The following TBC1D22A variants were observed in gnomAD, a reference collection of about 807,000 sequenced individuals.
The protein encoded by TBC1D22A is TBC1 domain family member 22A.
TBC1D22A carries 38 observed loss-of-function variants against 60.2 expected under a neutral mutation model. The ratio of observed to expected loss-of-function variants is 0.63; its 90% confidence interval spans 0.49 to 0.83. The LOEUF (loss-of-function observed/expected upper bound fraction) is 0.83, where lower values mean the gene tolerates loss of function less well. Among genes scored for constraint, TBC1D22A ranks in the 40% least tolerant of loss-of-function variants. TBC1D22A has a pLI of 0.00. For missense variants in TBC1D22A, 628 were observed against 701.0 expected (o/e 0.90, Z 1.18); for synonymous variants, 302 against 281.7 (o/e 1.07, Z -0.72).
intron 10 of TBC1D22A, among the ~76,000 whole-genome samples, chr22:47,001,451 G>GA (rs60259224): frequency 0.032 from 3,335 of 105,002 alleles, 60 homozygotes; most frequent in Middle Eastern, 0.085. Context: ...TCTCAAAAAA[G>GA]AAAAAAAAAA....
intron 4 of TBC1D22A, among the ~76,000 whole-genome samples, chr22:46,807,846 T>A (rs895709067): frequency 6.6e-6 from 1 of 152,198 alleles, no homozygotes; most frequent in African/African-American, 2.4e-5. Flanking sequence ...CTCATACTTG[T>A]AATCCCAGCA....
At chr22:46,939,504 G>A (rs2071859514) in intron 8 of TBC1D22A, among the ~76,000 whole-genome samples, 1 of 152,170 alleles carries the variant, frequency 6.6e-6, no homozygotes, top group South Asian at 2.1e-4. Context: ...GACGTTTATG[G>A]ACCAAATTTG....
At chr22:46,925,062 G>T (rs999093866) in intron 8 of TBC1D22A, among the ~76,000 whole-genome samples, 1 of 152,220 alleles carries the variant, frequency 6.6e-6, no homozygotes. Context: ...AGAAGAGCTG[G>T]TGCTAGTTTC....
At chr22:47,001,958 A>G (rs1445148213) in intron 10 of TBC1D22A, among the ~76,000 whole-genome samples, 1 of 152,230 alleles carries the variant, frequency 6.6e-6, no homozygotes, top group Non-Finnish European at 1.5e-5. Context: ...TTAAAATTTA[A>G]TAAGCATTTG....
chr22:47,059,275 G>C (rs2063494276), intron 11 of TBC1D22A, among the ~76,000 whole-genome samples: 1 of 152,260 alleles, frequency 6.6e-6, no homozygotes, highest in African/African-American at 2.4e-5. Context: ...TGGTGTGGGT[G>C]CGCACGCGTC....
chr22:46,866,160 C>T (rs549681733), intron 4 of TBC1D22A, among the ~76,000 whole-genome samples: 1 of 152,246 alleles, frequency 6.6e-6, no homozygotes, highest in African/African-American at 2.4e-5. Flanking sequence ...GCTGCAGTGC[C>T]GTGGCGTAAT....
chr22:47,128,957 C>G (rs532755128), intron 12 of TBC1D22A, among the ~76,000 whole-genome samples: 5 of 152,318 alleles, frequency 3.3e-5, no homozygotes, highest in African/African-American at 1.2e-4. Flanking sequence ...ACAGTGTGTG[C>G]GTGTGGGCCT....
At chr22:46,795,662 C>T (rs1222011497) in intron 3 of TBC1D22A, among the ~76,000 whole-genome samples, 5 of 152,150 alleles carry the variant, frequency 3.3e-5, no homozygotes, top group Non-Finnish European at 7.3e-5. Flanking sequence ...ACAATGATAC[C>T]ATATATTGAT....
intron 4 of TBC1D22A, among the ~76,000 whole-genome samples, chr22:46,834,283 C>A (rs969049528): frequency 6.6e-6 from 1 of 152,116 alleles, no homozygotes; most frequent in African/African-American, 2.4e-5. Flanking sequence ...CTCATCCCCC[C>A]CAGCAGTAAT....
intron 8 of TBC1D22A, among the ~76,000 whole-genome samples, chr22:46,962,552 G>A (rs1453516990): frequency 6.6e-6 from 1 of 152,062 alleles, no homozygotes; most frequent in Non-Finnish European, 1.5e-5. Context: ...ATAGAGAGAA[G>A]AGGCTTACTG....
At chr22:47,074,131 A>G (rs2064113001) in intron 11 of TBC1D22A, among the ~76,000 whole-genome samples, 1 of 152,300 alleles carries the variant, frequency 6.6e-6, no homozygotes, top group East Asian at 1.9e-4. Context: ...CACCCCACAA[A>G]GTATATAATT....
chr22:46,778,607 A>T (rs961669245), intron 1 of TBC1D22A, among the ~76,000 whole-genome samples: 11 of 152,158 alleles, frequency 7.2e-5, no homozygotes, highest in Admixed American at 3.3e-4. Flanking sequence ...ACATGCATGG[A>T]ATCATCATCT....
At chr22:46,836,832 T>C (rs1321587059) in intron 4 of TBC1D22A, among the ~76,000 whole-genome samples, 2 of 152,178 alleles carry the variant, frequency 1.3e-5, no homozygotes, top group Non-Finnish European at 2.9e-5. Context: ...GGTGACTATC[T>C]TTATATCAGG....
chr22:46,913,405 A>G, intron 8 of TBC1D22A: 2 of 1,366,426 alleles, frequency 1.5e-6, no homozygotes, highest in Non-Finnish European at 9.8e-7. Context: ...TTACCCGAGG[A>G]CAGATGAACA....
At chr22:46,814,003 T>C (rs139581) in intron 4 of TBC1D22A, among the ~76,000 whole-genome samples, 67,748 of 152,166 alleles carry the variant, frequency 0.45, 15,927 homozygotes, top group African/African-American at 0.61. Flanking sequence ...ACCAGAAAGC[T>C]GTTGCTGGTT....
chr22:46,976,360 T>C (rs2074295129), intron 9 of TBC1D22A, among the ~76,000 whole-genome samples: 1 of 152,172 alleles, frequency 6.6e-6, no homozygotes, highest in South Asian at 2.1e-4. Context: ...CGTGCCACGA[T>C]GGATTCCACA....
At position 47,028,603 on chromosome 22, in the gene TBC1D22A, C is replaced by G. The variant is rs1368261340; in HGVS notation, c.1202-8468C>G. Among the ~76,000 whole-genome samples the G allele has an allele frequency of 6.6e-6, 1 of 152,166 alleles. No homozygotes were observed. Among genetic ancestry groups the G allele is most frequent in the Non-Finnish European group, 1.5e-5 (1 of 68,046 alleles). ...CGGCCCAGGAATGAATCTGGTATGACCTCTTCTGTCTCGCCTGCCTGTGCA... is the reference window on the plus strand; with the variant it reads ...CGGCCCAGGAATGAATCTGGTATGAGCTCTTCTGTCTCGCCTGCCTGTGCA... On this transcript the variant is annotated intron_variant, in intron 10 of 12. Coordinates refer to ENST00000337137, the MANE Select transcript of TBC1D22A (RefSeq NM_014346.5). This position sits in a 1 kb window ranked among gnomAD's most constrained non-coding sequence, Gnocchi z 4.4.
chr22:47,046,048 G>A (rs1341707806), intron 11 of TBC1D22A, among the ~76,000 whole-genome samples: 1 of 152,142 alleles, frequency 6.6e-6, no homozygotes, highest in African/African-American at 2.4e-5. Context: ...CTGGTGATGG[G>A]GAGACAGGTC....
intron 4 of TBC1D22A, among the ~76,000 whole-genome samples, chr22:46,806,381 C>G (rs983182500): frequency 1.4e-5 from 2 of 145,914 alleles, no homozygotes; most frequent in Non-Finnish European, 3.0e-5. Context: ...AGCTGAGACT[C>G]AAAGGGCCAC....
Sources: allele counts gnomAD v4.1 joint callset (sites outside exome capture counted in the v4.1 genomes callset), GRCh38; gene constraint gnomAD v4.1.1; non-coding constraint Gnocchi (gnomAD v3.1); transcripts MANE v1.5; gene names NCBI Gene and HGNC (gene_info 2026-07-23, HGNC 2026-07-21).